The following CCDC102B variants were observed in gnomAD, a reference collection of about 807,000 sequenced individuals.
CCDC102B encodes the protein coiled-coil domain-containing protein 102B.
Under a neutral mutation model 57.4 loss-of-function variants are expected in CCDC102B, and 75 were observed. The ratio of observed to expected loss-of-function variants is 1.31; its 90% confidence interval spans 1.08 to 1.58. The LOEUF (loss-of-function observed/expected upper bound fraction) is 1.58. Ranked by LOEUF, CCDC102B falls within the 40% of genes most tolerant of loss-of-function variation. The probability of loss-of-function intolerance (pLI) is 0.00; values close to 1 mark genes in which losing one functional copy is unlikely to be tolerated. For missense variants in CCDC102B, 636 were observed against 582.6 expected (o/e 1.09, Z -0.94); for synonymous variants, 206 against 201.9 (o/e 1.02, Z -0.17).
At chr18:68,908,941 T>A (rs7230802) in intron 6 of CCDC102B, among the ~76,000 whole-genome samples, 132,974 of 151,866 alleles carry the variant, frequency 0.88, 58,356 homozygotes, top group Admixed American at 0.91. Context: ...TCCAGATCAA[T>A]TTTTATATAC....
chr18:68,914,063 TCAC>T (rs1382729597), intron 6 of CCDC102B, among the ~76,000 whole-genome samples: 5 of 152,170 alleles, frequency 3.3e-5, no homozygotes, highest in African/African-American at 1.2e-4. Flanking sequence ...AAATGACAAA[TCAC>T]CACCAATTTT....
chr18:68,724,121 A>G (rs1232198614), intron 2 of CCDC102B, among the ~76,000 whole-genome samples: 1 of 152,178 alleles, frequency 6.6e-6, no homozygotes, highest in Non-Finnish European at 1.5e-5. Context: ...TTCCCAAGCT[A>G]TGCCTTGGCC....
At chr18:68,854,979 T>G (rs1252651572) in intron 4 of CCDC102B, among the ~76,000 whole-genome samples, 1 of 152,228 alleles carries the variant, frequency 6.6e-6, no homozygotes, top group African/African-American at 2.4e-5. Context: ...GTGATTTGAT[T>G]GCAGAAAATA....
intron 2 of CCDC102B, among the ~76,000 whole-genome samples, chr18:68,736,715 A>T (rs1385505337): frequency 2.6e-5 from 4 of 152,088 alleles, no homozygotes; most frequent in African/African-American, 9.7e-5. Context: ...AACCCATCAG[A>T]TCTCATGAGA....
intron 6 of CCDC102B, among the ~76,000 whole-genome samples, chr18:68,956,360 AAT>A (rs373034635): frequency 0.38 from 28,216 of 74,326 alleles, 5,281 homozygotes; most frequent in Non-Finnish European, 0.46. Flanking sequence ...TAATATATAT[AAT>A]ATATATATAA....
intron 2 of CCDC102B, among the ~76,000 whole-genome samples, chr18:68,784,355 G>A (rs1346918338): frequency 3.3e-5 from 5 of 151,198 alleles, no homozygotes; most frequent in Non-Finnish European, 4.4e-5. Flanking sequence ...CAGATCTCAC[G>A]AGAATTCTTA....
At chr18:68,790,157 G>A (rs1752373655) in intron 2 of CCDC102B, among the ~76,000 whole-genome samples, 2 of 151,014 alleles carry the variant, frequency 1.3e-5, no homozygotes, top group Non-Finnish European at 2.9e-5. Flanking sequence ...TCAGGGGTCA[G>A]GGACCCACTT....
At chr18:68,885,748 A>T (rs1416238449) in intron 5 of CCDC102B, among the ~76,000 whole-genome samples, 1 of 152,052 alleles carries the variant, frequency 6.6e-6, no homozygotes, top group African/African-American at 2.4e-5. Flanking sequence ...TCACAAAATG[A>T]TGTAAAAAAC....
intron 2 of CCDC102B, among the ~76,000 whole-genome samples, chr18:68,787,365 C>T (rs2035252717): frequency 6.6e-6 from 1 of 151,560 alleles, no homozygotes; most frequent in Admixed American, 6.6e-5. Flanking sequence ...GGAGGATTCC[C>T]TCTTTTTCTA....
intron 7 of CCDC102B, among the ~76,000 whole-genome samples, chr18:69,035,345 C>T (rs898130439): frequency 7.2e-5 from 11 of 151,942 alleles, no homozygotes; most frequent in South Asian, 2.1e-4. Flanking sequence ...ATGTGAAAAT[C>T]CTGTGAAATT....
intron 6 of CCDC102B, among the ~76,000 whole-genome samples, chr18:68,934,817 A>G (rs2041789997): frequency 6.6e-6 from 1 of 151,936 alleles, no homozygotes; most frequent in Non-Finnish European, 1.5e-5. Context: ...TGTTCATTCA[A>G]TGAATATTTA....
chr18:68,956,332 T>A (rs371814799), intron 6 of CCDC102B, among the ~76,000 whole-genome samples: 1 of 54,980 alleles, frequency 1.8e-5, no homozygotes, highest in Non-Finnish European at 2.9e-5. Flanking sequence ...TTATATATAT[T>A]ATATATAATA....
chr18:68,847,354 A>G (rs1264649919), intron 4 of CCDC102B, among the ~76,000 whole-genome samples: 2 of 151,798 alleles, frequency 1.3e-5, no homozygotes, highest in African/African-American at 4.8e-5. Context: ...TGTGCTCTAT[A>G]ATATAATGGG....
intron 1 of CCDC102B, among the ~76,000 whole-genome samples, chr18:68,826,054 C>A (rs2036892324): frequency 6.6e-6 from 1 of 152,204 alleles, no homozygotes; most frequent in Admixed American, 6.5e-5. Flanking sequence ...TATCAAGCGA[C>A]TAAAATGCAT....
intron 6 of CCDC102B, among the ~76,000 whole-genome samples, chr18:68,942,416 G>C (rs73463874): frequency 6.6e-6 from 1 of 151,958 alleles, no homozygotes; most frequent in Non-Finnish European, 1.5e-5. Context: ...GACCCACGCC[G>C]GCCCAGTCTC....
intron 2 of CCDC102B, among the ~76,000 whole-genome samples, chr18:68,770,766 G>A (rs575998567): frequency 5.1e-4 from 77 of 152,310 alleles, no homozygotes; most frequent in Middle Eastern, 3.4e-3. Flanking sequence ...ATTTTGTAAA[G>A]TTTTTCTTAA....
chr18:69,049,507 C>T (rs2145494098), intron 7 of CCDC102B, among the ~76,000 whole-genome samples: 1 of 152,054 alleles, frequency 6.6e-6, no homozygotes, highest in East Asian at 1.9e-4. Flanking sequence ...GTGGAAAATT[C>T]CCCAACATTG....
chr18:68,909,472 G>A (rs1245317831), intron 6 of CCDC102B, among the ~76,000 whole-genome samples: 3 of 152,114 alleles, frequency 2.0e-5, no homozygotes, highest in Non-Finnish European at 4.4e-5. Flanking sequence ...CTACCAATAA[G>A]TATTTTCACA....
At chr18:69,015,323 A>T (rs1426987644) in intron 7 of CCDC102B, among the ~76,000 whole-genome samples, 1 of 152,198 alleles carries the variant, frequency 6.6e-6, no homozygotes, top group African/African-American at 2.4e-5. Flanking sequence ...TGCATATTTT[A>T]ATGTGTATTA....
Sources: allele counts gnomAD v4.1 joint callset (sites outside exome capture counted in the v4.1 genomes callset), GRCh38; gene constraint gnomAD v4.1.1; transcripts MANE v1.5; gene names NCBI Gene and HGNC (gene_info 2026-07-23, HGNC 2026-07-21).